Variants in NR3C1 observed in about 807,000 individuals in gnomAD.
NR3C1 encodes nuclear receptor subfamily 3 group C member 1, also known as glucocorticoid receptor.
A neutral mutation model predicts 74.0 loss-of-function variants in NR3C1; 14 were observed. The observed-to-expected ratio is 0.19, with a 90% CI of 0.12 to 0.30. NR3C1 has a LOEUF of 0.30. NR3C1 is among the 10% of genes least tolerant of loss of function. NR3C1 has a pLI of 1.00. For synonymous variants in NR3C1, 308 were observed against 332.5 expected (o/e 0.93, Z 0.80); for missense variants, 695 against 909.8 (o/e 0.76, Z 3.04).
At chr5:143,434,060 A>T (rs1752001625) in intron 1 of NR3C1, among the ~76,000 whole-genome samples, 1 of 152,086 alleles carries the variant, frequency 6.6e-6, no homozygotes, top group South Asian at 2.1e-4. Flanking sequence ...CCAGATATTC[A>T]CATAACTGGC....
intron 1 of NR3C1, chr5:143,401,213 G>T: frequency 4.1e-6 from 1 of 246,874 alleles, no homozygotes; most frequent in Non-Finnish European, 8.0e-6. Context: ...TGATGTCAAA[G>T]TATTTAATTT....
At chr5:143,313,857 T>C (rs1433090267) in intron 3 of NR3C1, 145 bp downstream of exon 3, 4 of 731,114 alleles carry the variant, frequency 5.5e-6, no homozygotes, top group East Asian at 2.7e-5. Flanking sequence ...TCCTGCCCAT[T>C]AGAGGACCTA....
intron 1 of NR3C1, among the ~76,000 whole-genome samples, chr5:143,422,216 A>C (rs1283386009): frequency 6.6e-6 from 1 of 152,148 alleles, no homozygotes; most frequent in African/African-American, 2.4e-5. Flanking sequence ...GTTGCCCATC[A>C]GATCATTTGG....
chr5:143,371,297 C>T (rs142468670), intron 2 of NR3C1, among the ~76,000 whole-genome samples: 224 of 152,342 alleles, frequency 1.5e-3, no homozygotes, highest in Non-Finnish European at 2.7e-3. Context: ...TTAATTCCAA[C>T]ATTTCTATTC....
At chr5:143,429,292 G>A (rs1751692005) in intron 1 of NR3C1, among the ~76,000 whole-genome samples, 1 of 152,186 alleles carries the variant, frequency 6.6e-6, no homozygotes, top group South Asian at 2.1e-4. Flanking sequence ...AGGATTTAAA[G>A]CCAGTAGTCT....
intron 2 of NR3C1, among the ~76,000 whole-genome samples, chr5:143,388,819 G>A (rs1026777586): frequency 8.5e-5 from 13 of 152,152 alleles, no homozygotes; most frequent in African/African-American, 2.9e-4. Context: ...CTTGCAACTA[G>A]GGTACACAAA....
At position 143,287,691 on chromosome 5, in the gene NR3C1, T is replaced by A. The variant is rs138599192; in HGVS notation, c.2024-4966A>T. Among the ~76,000 whole-genome samples the A allele has an allele frequency of 1.0e-3, 155 of 152,242 alleles. 3 individuals carry two copies. The East Asian group carries it at 0.022, about 22-fold the overall frequency. On this transcript the variant is annotated intron_variant, in intron 7 of 8. Transcript: ENST00000394464. ...CCCTGGTAGCAAAGCCAGAAAAAGA[T>A]ATCACAAGAAAAGAAAGTTGTAGAT...
intron 6 of NR3C1, 33 bp downstream of exon 6, chr5:143,298,635 G>A: frequency 6.2e-7 from 1 of 1,601,268 alleles, no homozygotes; most frequent in Non-Finnish European, 8.5e-7. Context: ...GATACCCTAT[G>A]AATACAGGGA....
intron 1 of NR3C1, among the ~76,000 whole-genome samples, chr5:143,417,340 T>TTC (rs1750961414): frequency 1.3e-5 from 2 of 152,152 alleles, no homozygotes. Context: ...AACTTTATAC[T>TTC]TCTCTCTCTC....
chr5:143,405,900 A>G (rs1054544755), upstream of NR3C1, among the ~76,000 whole-genome samples: 8 of 152,006 alleles, frequency 5.3e-5, no homozygotes, highest in Non-Finnish European at 7.4e-5. Context: ...CGTTTTTCCA[A>G]TTTCTGAGCC....
intron 2 of NR3C1, among the ~76,000 whole-genome samples, chr5:143,369,742 A>G (rs1833928218): frequency 6.6e-6 from 1 of 152,224 alleles, no homozygotes; most frequent in African/African-American, 2.4e-5. Flanking sequence ...AGAATTATCC[A>G]ATCAAAAATG....
Position 143,396,132 on chromosome 5 carries a change from T to C in NR3C1, c.1184+3524A>G, listed in dbSNP as rs61751174. On this transcript the variant is annotated intron_variant, in intron 2 of 8. Coordinates refer to ENST00000394464, the MANE Select transcript of NR3C1 (RefSeq NM_000176.3). ...GGACTAGCCATAGAAACATCGTAAG[T>C]AATTTCAATAAAATCTGACCACATG... 4.3e-3 allele frequency among the ~76,000 whole-genome samples: 654 copies of C among 151,936 alleles called. 2 individuals carry two copies. The highest frequency in any genetic ancestry group is 0.015 in the African/African-American group (626 of 41,526).
intron 2 of NR3C1, among the ~76,000 whole-genome samples, chr5:143,351,630 GT>G (rs1286912682): frequency 2.6e-5 from 4 of 152,074 alleles, no homozygotes; most frequent in African/African-American, 4.8e-5. Context: ...AAAAAATGGT[GT>G]TTTAGCATTT....
chr5:143,313,711 C>A (rs903821025), intron 3 of NR3C1, among the ~76,000 whole-genome samples: 8 of 152,088 alleles, frequency 5.3e-5, no homozygotes, highest in Admixed American at 1.3e-4. Context: ...ATGTTATGCC[C>A]AAACTTAACA....
At chr5:143,342,979 T>C (rs1456694227) in intron 2 of NR3C1, among the ~76,000 whole-genome samples, 1 of 152,180 alleles carries the variant, frequency 6.6e-6, no homozygotes, top group Non-Finnish European at 1.5e-5. Context: ...AGTATAGCTC[T>C]TTTAGGGGAA....
chr5:143,402,699 C>A, intron 1 of NR3C1: 3 of 985,372 alleles, frequency 3.0e-6, no homozygotes, highest in Non-Finnish European at 3.6e-6. Flanking sequence ...CGCGTGTGCA[C>A]CCTCACGCGC....
intron 4 of NR3C1, among the ~76,000 whole-genome samples, chr5:143,304,860 G>T (rs180918535): frequency 1.3e-5 from 2 of 152,266 alleles, no homozygotes; most frequent in East Asian, 3.9e-4. Flanking sequence ...GCAGAAGAAT[G>T]AAACTGGACC....
intron 7 of NR3C1, among the ~76,000 whole-genome samples, chr5:143,283,021 G>A (rs1432497508): frequency 6.6e-6 from 1 of 152,084 alleles, no homozygotes; most frequent in Non-Finnish European, 1.5e-5. Flanking sequence ...TGAGTAGCTA[G>A]GACACAAGCC....
chr5:143,416,687 C>A (rs1841487674), intron 1 of NR3C1, among the ~76,000 whole-genome samples: 1 of 152,096 alleles, frequency 6.6e-6, no homozygotes, highest in African/African-American at 2.4e-5. Context: ...GGGGGTGTTG[C>A]TCCTTCTGGA....
Sources: gnomAD v4.1 joint callset for allele counts (sites outside exome capture counted in the v4.1 genomes callset) on GRCh38, gnomAD v4.1.1 for gene constraint, MANE v1.5 for transcripts, NCBI Gene and HGNC (gene_info 2026-07-23, HGNC 2026-07-21) for gene names.